GCNT1: variants seen among roughly 807,000 people sequenced by gnomAD.
The protein encoded by GCNT1 is glucosaminyl (N-acetyl) transferase 1.
A neutral mutation model predicts 26.2 loss-of-function variants in GCNT1; 16 were observed. The ratio of observed to expected loss-of-function variants is 0.61; its 90% CI spans 0.41 to 0.93. The LOEUF (loss-of-function observed/expected upper bound fraction) is 0.93, where lower values mean the gene tolerates loss of function less well. Ranked by LOEUF, GCNT1 falls within the 40% of genes least tolerant of loss-of-function variation. The pLI, the probability that GCNT1 is intolerant of heterozygous loss-of-function variation, is 0.00. For synonymous variants in GCNT1, 183 were observed against 190.8 expected, an observed-to-expected ratio of 0.96 and a Z score of 0.34; for missense variants, 477 against 526.7, an observed-to-expected ratio of 0.91 and a Z score of 0.92.
chr9:76,497,772 A>C (rs634064), intron 2 of GCNT1, among the ~76,000 whole-genome samples: 90,727 of 151,828 alleles, frequency 0.6, 27,622 homozygotes, highest in East Asian at 0.7. Flanking sequence ...ACAAAAAAAA[A>C]CCCAAGACTC....
At position 76,503,699 on chromosome 9, in the gene GCNT1, A is replaced by G; in HGVS notation, c.*31A>G. Reference sequence around the variant, plus strand: ...ACGGGCAATTTTATGAACAAGAAGAAGGATACACAAAACGTACCCTTATCT... The same window carrying G: ...ACGGGCAATTTTATGAACAAGAAGAGGGATACACAAAACGTACCCTTATCT... On this transcript the variant is annotated 3_prime_UTR_variant, in exon 4 of 4. Coordinates refer to ENST00000376730, the MANE Select transcript of GCNT1 (RefSeq NM_001490.5). The G allele has an allele frequency of 6.5e-7, 1 of 1,541,996 alleles. No homozygotes were observed. The highest frequency in any genetic ancestry group is 8.9e-7 in the Non-Finnish European group (1 of 1,121,062).
chr9:76,436,113 G>A (rs1002150677), intron 1 of GCNT1, among the ~76,000 whole-genome samples: 2 of 151,614 alleles, frequency 1.3e-5, no homozygotes, highest in Non-Finnish European at 2.9e-5. Flanking sequence ...CACCATGCCT[G>A]GCTAATTTTT....
At chr9:76,429,127 A>G (rs1000045474) in intron 1 of GCNT1, among the ~76,000 whole-genome samples, 1 of 152,196 alleles carries the variant, frequency 6.6e-6, no homozygotes, top group African/African-American at 2.4e-5. Flanking sequence ...CAGGTAATAT[A>G]TTGCCCAATA....
intron 1 of GCNT1, among the ~76,000 whole-genome samples, chr9:76,428,900 G>T (rs958053094): frequency 3.9e-5 from 6 of 151,902 alleles, no homozygotes; most frequent in African/African-American, 1.5e-4. Flanking sequence ...AGGTTTCTCC[G>T]TGTTGGTCAG....
intron 1 of GCNT1, among the ~76,000 whole-genome samples, chr9:76,450,156 C>T (rs1210797961): frequency 6.6e-6 from 1 of 152,154 alleles, no homozygotes; most frequent in African/African-American, 2.4e-5. Flanking sequence ...TGGTTCCCGC[C>T]ATCCCCACCC....
At chr9:76,471,678 CA>C (rs556926283) in intron 2 of GCNT1, among the ~76,000 whole-genome samples, 222 of 152,116 alleles carry the variant, frequency 1.5e-3, no homozygotes, top group African/African-American at 5.1e-3. Flanking sequence ...AAGTGTTTTC[CA>C]AAGACATTTC....
At chr9:76,477,095 A>T (rs1391822276) in intron 2 of GCNT1, among the ~76,000 whole-genome samples, 5 of 151,718 alleles carry the variant, frequency 3.3e-5, no homozygotes, top group African/African-American at 1.2e-4. Flanking sequence ...TTGTATTTTT[A>T]GTACAGACGG....
intron 2 of GCNT1, among the ~76,000 whole-genome samples, chr9:76,488,941 A>G (rs1404822276): frequency 2.0e-5 from 3 of 152,332 alleles, no homozygotes; most frequent in Non-Finnish European, 4.4e-5. Flanking sequence ...GGATACAACA[A>G]TATCATTTTA....
chr9:76,459,878 T>C (rs1823834642), intron 1 of GCNT1, among the ~76,000 whole-genome samples, 182 bp from the exon 2 acceptor site: 1 of 152,154 alleles, frequency 6.6e-6, no homozygotes, highest in Admixed American at 6.5e-5. Flanking sequence ...CGCGGCAGTC[T>C]AGGAAACTCG....
At chr9:76,497,486 A>C (rs528905306) in intron 2 of GCNT1, among the ~76,000 whole-genome samples, 2 of 152,332 alleles carry the variant, frequency 1.3e-5, no homozygotes, top group African/African-American at 4.8e-5. Context: ...TTTTTGACAA[A>C]GTAATGCTTT....
intron 2 of GCNT1, among the ~76,000 whole-genome samples, chr9:76,498,783 A>G (rs940925268): frequency 2.4e-5 from 3 of 123,402 alleles, no homozygotes; most frequent in Non-Finnish European, 5.3e-5. Flanking sequence ...CAAAAAAAAA[A>G]AAAAAAAGAA....
chr9:76,428,291 T>TAAAAAAA (rs1564220598), intron 1 of GCNT1, among the ~76,000 whole-genome samples: 6 of 77,022 alleles, frequency 7.8e-5, no homozygotes, highest in African/African-American at 2.8e-4. Context: ...AAAAAAAAAC[T>TAAAAAAA]TAAAAAAAAA....
At chr9:76,427,956 T>C (rs1348788838) in intron 1 of GCNT1, among the ~76,000 whole-genome samples, 1 of 151,976 alleles carries the variant, frequency 6.6e-6, no homozygotes, top group African/African-American at 2.4e-5. Context: ...TAATCCAGAC[T>C]GGGCAACAGA....
At position 76,422,315 on chromosome 9, in the gene GCNT1, C is replaced by T. The variant is rs143861048; in HGVS notation, n.38+2428C>T. 2.9e-3 allele frequency among the ~76,000 whole-genome samples: 435 copies of T among 152,204 alleles called. 1 individual carries two copies. The highest frequency in any genetic ancestry group is 0.01 in the African/African-American group (421 of 41,514). On this transcript the variant is annotated intron_variant and non_coding_transcript_variant, in intron 1 of 3. Transcript: ENST00000488136. ...AACTCCTGAGCTCAAGAGATCCACC[C>T]GCCTCGGCCTCCCAAAGTGCCAGGA...
At chr9:76,457,187 A>G (rs1325931144), upstream of GCNT1, among the ~76,000 whole-genome samples, 2 of 152,120 alleles carry the variant, frequency 1.3e-5, no homozygotes, top group South Asian at 2.1e-4. Context: ...TCGGCTTCCT[A>G]AAGTGTTGGA....
chr9:76,398,451 T>A, the GCNT1 span, among the ~76,000 whole-genome samples: 2 of 152,230 alleles, frequency 1.3e-5, no homozygotes, highest in African/African-American at 4.8e-5. Context: ...CAACAGGAAC[T>A]TTCATTCATT....
At chr9:76,434,427 C>T (rs1823381115) in intron 1 of GCNT1, among the ~76,000 whole-genome samples, 1 of 152,172 alleles carries the variant, frequency 6.6e-6, no homozygotes, top group Non-Finnish European at 1.5e-5. Flanking sequence ...TATCACTCCC[C>T]TAATAATACT....
intron 2 of GCNT1, among the ~76,000 whole-genome samples, chr9:76,481,241 A>T (rs1037783616): frequency 6.6e-6 from 1 of 152,046 alleles, no homozygotes; most frequent in Admixed American, 6.6e-5. Context: ...ATGGGATTAA[A>T]TGGTGAGTGG....
At chr9:76,422,029 C>T (rs1823203279) in intron 1 of GCNT1, among the ~76,000 whole-genome samples, 1 of 152,048 alleles carries the variant, frequency 6.6e-6, no homozygotes, top group Admixed American at 6.6e-5. Flanking sequence ...TGGTGGATGA[C>T]ACCTCTTCAC....
Sources: allele counts gnomAD v4.1 joint callset (sites outside exome capture counted in the v4.1 genomes callset), GRCh38; gene constraint gnomAD v4.1.1; transcripts MANE v1.5; gene names NCBI Gene and HGNC (gene_info 2026-07-23, HGNC 2026-07-21).